EPAS1: variants seen among roughly 807,000 people sequenced by gnomAD.
The protein encoded by EPAS1 is endothelial PAS domain protein 1, also known as endothelial PAS domain-containing protein 1.
In EPAS1, 23 loss-of-function variants were observed where a neutral mutation model predicts 87.9. The observed-to-expected ratio is 0.26, with a 90% CI of 0.19 to 0.37. The LOEUF (loss-of-function observed/expected upper bound fraction) is 0.37, where lower values mean the gene tolerates loss of function less well. Among genes scored for constraint, EPAS1 ranks in the 10% least tolerant of loss-of-function variants. EPAS1 has a pLI of 1.00. For synonymous variants in EPAS1, 508 were observed against 444.3 expected (o/e 1.14, Z -1.80); for missense variants, 1,138 against 1,120.7 (o/e 1.02, Z -0.22).
chr2:46,370,771 C>T (rs1417315078), intron 7 of EPAS1, among the ~76,000 whole-genome samples: 1 of 152,158 alleles, frequency 6.6e-6, no homozygotes, highest in African/African-American at 2.4e-5. Context: ...AGAGTGTATC[C>T]TTGGCCATGT....
At position 46,347,216 on chromosome 2, in the gene EPAS1, A is replaced by G. The variant is rs1446662153; in HGVS notation, c.217+153A>G. On this transcript the variant is annotated intron_variant, in intron 2 of 15. Coordinates refer to ENST00000263734, the MANE Select transcript of EPAS1 (RefSeq NM_001430.5). The surrounding 1 kb of genome is among the most constrained non-coding windows in gnomAD (Gnocchi z 4.2). Reference sequence around the variant, plus strand: ...ACCATCATGAGTGATTTATTCCTTCATGTTAAACATCTCTCTTCCAGCAGT... The same window carrying G: ...ACCATCATGAGTGATTTATTCCTTCGTGTTAAACATCTCTCTTCCAGCAGT... The G allele has an allele frequency of 1.2e-6, 1 of 807,288 alleles. No homozygotes were observed. The highest frequency in any genetic ancestry group is 1.5e-5 in the South Asian group (1 of 67,180). The allele number at this position is 807,288 out of a possible 1,614,324, so 50.0% of individuals were successfully genotyped here.
intron 6 of EPAS1, among the ~76,000 whole-genome samples, chr2:46,365,869 C>T (rs752151106): frequency 1.3e-5 from 2 of 151,994 alleles, no homozygotes; most frequent in African/African-American, 4.8e-5. Context: ...TGAGGAGAGG[C>T]GATGGGCAGA....
chr2:46,384,666 G>A lies in EPAS1; in HGVS notation c.*6G>A, dbSNP rs1684971833. On this transcript the variant is annotated 3_prime_UTR_variant, in exon 16 of 16. Coordinates refer to ENST00000263734, the MANE Select transcript of EPAS1 (RefSeq NM_001430.5). ...CCCTGGACCAGGCCACCTGAGCCAG[G>A]CCTTCTACCTGGGCAGCACCTCTGC... 6.2e-7 allele frequency: 1 copy of A among 1,613,248 alleles called. No homozygotes were observed. Among genetic ancestry groups the A allele is most frequent in the Non-Finnish European group, 8.5e-7 (1 of 1,179,926 alleles).
In EPAS1 at chr2:46,379,120, C is replaced by T. The variant is rs186117076; in HGVS notation, c.1554+353C>T. Among the ~76,000 whole-genome samples the T allele has an allele frequency of 2.0e-5, 3 of 152,304 alleles. No individual in the cohort carries two copies. The East Asian group carries it at 5.8e-4, about 29-fold the overall frequency. On this transcript the variant is annotated intron_variant, in intron 11 of 15. Coordinates refer to ENST00000263734, the MANE Select transcript of EPAS1 (RefSeq NM_001430.5). ...TATAAACATAGGGGACAATTAATCC[C>T]TTTATAAACACATTCATCTTGTGAT...
At chr2:46,382,776 G>C (rs771080538) in intron 15 of EPAS1, among the ~76,000 whole-genome samples, 178 bp downstream of exon 15, 3 of 152,220 alleles carry the variant, frequency 2.0e-5, no homozygotes, top group Non-Finnish European at 2.9e-5. Context: ...AGTTCCTTGT[G>C]ACATCAGTGA....
chr2:46,346,799 T>C lies in EPAS1; in HGVS notation c.27-74T>C, dbSNP rs1684036750. 4.6e-6 allele frequency: 7 copies of C among 1,523,568 alleles called. No individual in the cohort carries two copies. In the South Asian group the frequency reaches 6.9e-5, roughly 15 times the overall value. 94.4% of individuals were successfully genotyped at this position (1,523,568 alleles called of 1,614,324 possible). ...GTGGCTGCACTGGGGGTTGGGGCCA[T>C]GGGGATGTCCTGGCCAGAGGTATGA... On this transcript the variant is annotated intron_variant, in intron 1 of 15. Transcript: ENST00000263734. This position sits in a 1 kb window ranked among gnomAD's most constrained non-coding sequence, Gnocchi z 4.0.
chr2:46,377,903 A>G lies in EPAS1; in HGVS notation c.1259A>G (p.Asn420Ser). ...GCCCTTGTCTCCACAGGGAATCAGAACTTCGAGGAGTCCTCAGCCTATGGC... is the reference window on the plus strand; with the variant it reads ...GCCCTTGTCTCCACAGGGAATCAGAGCTTCGAGGAGTCCTCAGCCTATGGC... ...AIISLDFGNQNFEESSAYGKA... is the reference protein window; with the variant it reads ...AIISLDFGNQSFEESSAYGKA... Residue 420 changes from asparagine (N) to serine (S), a missense_variant, in exon 10 of 16, where the codon AAC becomes AGC. This residue lies in a region of EPAS1 where 284 missense variants were observed against 258.4 expected (regional missense o/e 1.10). Transcript: ENST00000263734. 1 of 1,552,472 alleles carries G rather than the reference A, an allele frequency of 6.4e-7. No homozygotes were observed. Among genetic ancestry groups the G allele is most frequent in the Non-Finnish European group, 8.7e-7 (1 of 1,147,362 alleles).
chr2:46,312,862 C>T (rs902599369), intron 1 of EPAS1, among the ~76,000 whole-genome samples: 24 of 152,258 alleles, frequency 1.6e-4, no homozygotes, highest in Middle Eastern at 3.4e-3. Flanking sequence ...CTGTTTTTCC[C>T]TCCCCTGTGG....
At chr2:46,328,991 T>TG (rs1259408594) in intron 1 of EPAS1, among the ~76,000 whole-genome samples, 1 of 152,256 alleles carries the variant, frequency 6.6e-6, no homozygotes, top group Admixed American at 6.5e-5. Context: ...TCAAAATGTA[T>TG]GAAGTAAACA....
chr2:46,382,794 C>T (rs1192596615), intron 15 of EPAS1, among the ~76,000 whole-genome samples, 196 bp downstream of exon 15: 1 of 152,158 alleles, frequency 6.6e-6, no homozygotes, highest in Non-Finnish European at 1.5e-5. Flanking sequence ...TGATCAGGCC[C>T]CCCAGTGGGT....
chr2:46,384,732 G>A lies in EPAS1; in HGVS notation c.*72G>A. ...AGCTTCACTCTCTCCGTCTGTTTTT[G>A]CAACTAGGTATTTCTAACGCCAGCA... On this transcript the variant is annotated 3_prime_UTR_variant, in exon 16 of 16. Transcript: ENST00000263734. 6.4e-7 allele frequency: 1 copy of A among 1,569,348 alleles called. No individual in the cohort carries two copies. Among genetic ancestry groups the A allele is most frequent in the East Asian group, 2.3e-5 (1 of 43,164 alleles).
At chr2:46,327,866 G>A (rs1683594215) in intron 1 of EPAS1, among the ~76,000 whole-genome samples, 1 of 152,208 alleles carries the variant, frequency 6.6e-6, no homozygotes, top group Admixed American at 6.5e-5. Flanking sequence ...GGCCCCGCCA[G>A]AGCCCTCCTG....
intron 1 of EPAS1, among the ~76,000 whole-genome samples, chr2:46,337,191 C>T (rs1410655570): frequency 6.6e-6 from 1 of 152,168 alleles, no homozygotes; most frequent in East Asian, 1.9e-4. Flanking sequence ...GGGGTTCTTT[C>T]CCTGAAGAGT....
At chr2:46,382,115 C>T (rs1314688229) in intron 14 of EPAS1, 26 bp downstream of exon 14, 1 of 1,605,436 alleles carries the variant, frequency 6.2e-7, no homozygotes. Flanking sequence ...AGGCCTGGGC[C>T]TCCTGGGGGT....
chr2:46,321,344 A>G (rs1683451510), intron 1 of EPAS1, among the ~76,000 whole-genome samples: 2 of 152,222 alleles, frequency 1.3e-5, no homozygotes, highest in South Asian at 4.1e-4. Context: ...AACATGGTGT[A>G]CAATTTGAGT....
At chr2:46,379,544 G>C (rs939827426) in intron 11 of EPAS1, among the ~76,000 whole-genome samples, 1 of 152,140 alleles carries the variant, frequency 6.6e-6, no homozygotes. Flanking sequence ...CTTAAAGATT[G>C]CTTAGTATTG....
chr2:46,358,428 G>A (rs1684314000), intron 4 of EPAS1, among the ~76,000 whole-genome samples: 1 of 152,208 alleles, frequency 6.6e-6, no homozygotes, highest in Non-Finnish European at 1.5e-5. Flanking sequence ...ATGGGTAGGT[G>A]CTTGAAGCCT....
intron 6 of EPAS1, among the ~76,000 whole-genome samples, chr2:46,364,900 A>G (rs1364427029): frequency 2.6e-5 from 4 of 152,218 alleles, no homozygotes; most frequent in Admixed American, 2.0e-4. Flanking sequence ...AGTAAAAGAG[A>G]TGATTCCTGA....
At chr2:46,376,790 C>T in intron 9 of EPAS1, 37 bp downstream of exon 9, 2 of 1,604,354 alleles carry the variant, frequency 1.2e-6, no homozygotes, top group South Asian at 2.2e-5. Flanking sequence ...CCCTGGAACC[C>T]CGTTGGGGCT....
Sources: allele counts gnomAD v4.1 joint callset (sites outside exome capture counted in the v4.1 genomes callset), GRCh38; gene constraint gnomAD v4.1.1; regional missense constraint gnomAD v4.1.1; non-coding constraint Gnocchi (gnomAD v3.1); transcripts MANE v1.5; gene names NCBI Gene and HGNC (gene_info 2026-07-23, HGNC 2026-07-21).